The following WDFY4 variants were observed in gnomAD, a reference collection of about 807,000 sequenced individuals.
WDFY4 encodes WD repeat- and FYVE domain-containing protein 4.
WDFY4 carries 169 observed loss-of-function variants against 351.9 expected under a neutral mutation model. The ratio of observed to expected loss-of-function variants is 0.48; its 90% CI spans 0.42 to 0.55. The LOEUF (loss-of-function observed/expected upper bound fraction) is 0.55, where lower values mean the gene tolerates loss of function less well. WDFY4 is among the 20% of genes least tolerant of loss of function. WDFY4 has a pLI of 0.00. For missense variants in WDFY4, 3,803 were observed against 3,935.6 expected, an observed-to-expected ratio of 0.97 and a Z score of 0.90; for synonymous variants, 1,622 against 1,574.6, an observed-to-expected ratio of 1.03 and a Z score of -0.71.
rs2068884162 is a variant in WDFY4 at position 48,849,406 on chromosome 10, T to C, written c.6663+16697T>C. Among the ~76,000 whole-genome samples, 3 of 152,240 alleles carry C rather than the reference T, an allele frequency of 2.0e-5. No individual in the cohort carries two copies. In the South Asian group the frequency reaches 6.2e-4, roughly 31 times the overall value. On this transcript the variant is annotated intron_variant, in intron 39 of 61. Coordinates refer to ENST00000325239, the MANE Select transcript of WDFY4 (RefSeq NM_001394531.1). ...ATTTTGTACATCAATCAGTCTTTCTTTGTTAAGTACCAGATGAAGTGACTG... is the reference window on the plus strand; with the variant it reads ...ATTTTGTACATCAATCAGTCTTTCTCTGTTAAGTACCAGATGAAGTGACTG...
At chr10:48,879,606 C>T (rs1402064184) in intron 43 of WDFY4, among the ~76,000 whole-genome samples, 1 of 152,220 alleles carries the variant, frequency 6.6e-6, no homozygotes, top group Non-Finnish European at 1.5e-5. Flanking sequence ...AGATTCTCTG[C>T]TAGAGCCTCA....
intron 39 of WDFY4, among the ~76,000 whole-genome samples, chr10:48,865,556 AG>A (rs1394132752): frequency 3.9e-5 from 6 of 152,164 alleles, no homozygotes; most frequent in Non-Finnish European, 5.9e-5. Flanking sequence ...TTTCTGTGTC[AG>A]GGTAATAACT....
intron 2 of WDFY4, 77 bp downstream of exon 2, chr10:48,710,043 G>C: frequency 7.4e-7 from 1 of 1,354,418 alleles, no homozygotes; most frequent in Non-Finnish European, 9.9e-7. Context: ...TAGTGAAGTT[G>C]ATGGTTTTAA....
intron 39 of WDFY4, among the ~76,000 whole-genome samples, chr10:48,861,857 A>C (rs2069356487): frequency 6.6e-6 from 1 of 152,142 alleles, no homozygotes; most frequent in Non-Finnish European, 1.5e-5. Flanking sequence ...ATAGTCCTAT[A>C]GGTAGCTAAG....
Position 48,684,961 on chromosome 10 carries a change from T to C in WDFY4, c.-58T>C, listed in dbSNP as rs1373294308. ...GCTGCAGCTGGGGATAGGGGGCCCA[T>C]GCCTTCTGATGTCTACAGGCGCTGA... On this transcript the variant is annotated 5_prime_UTR_variant, in exon 1 of 62. The change abolishes an upstream ATG in the 5' untranslated region. Coordinates refer to ENST00000325239, the MANE Select transcript of WDFY4 (RefSeq NM_001394531.1). The C allele has an allele frequency of 2.0e-5, 3 of 152,522 alleles. No homozygotes were observed. The highest frequency in any genetic ancestry group is 4.8e-5 in the African/African-American group (2 of 41,480). The allele number at this position is 152,522 out of a possible 1,614,324, so 9.4% of individuals were successfully genotyped here.
At position 48,832,744 on chromosome 10, in the gene WDFY4, A is replaced by G. The variant is rs142796997; in HGVS notation, c.6663+35A>G. 800 of 1,493,388 alleles carry G rather than the reference A, an allele frequency of 5.4e-4. 10 individuals are homozygous for G. The Middle Eastern group carries it at 0.01, about 19-fold the overall frequency. The allele number at this position is 1,493,388 out of a possible 1,614,324, so 92.5% of individuals were successfully genotyped here. On this transcript the variant is annotated intron_variant, in intron 39 of 61. Coordinates refer to ENST00000325239, the MANE Select transcript of WDFY4 (RefSeq NM_001394531.1). ...GACCCCTTTTCCTCAGAAAAGTATC[A>G]GGCATTTGCTTCAAACCCCATGAGT... is the stretch of plus-strand genomic sequence containing the variant.
intron 1 of WDFY4, among the ~76,000 whole-genome samples, chr10:48,704,565 C>T (rs573065447): frequency 2.8e-4 from 43 of 152,320 alleles, no homozygotes; most frequent in African/African-American, 9.9e-4. Flanking sequence ...AAGAACCTTT[C>T]CAGGGTAGCA....
Position 48,778,606 on chromosome 10 carries a change from C to A in WDFY4, c.3176-5C>A, listed in dbSNP as rs748454825. On this transcript the variant is annotated splice_region_variant and splice_polypyrimidine_tract_variant and intron_variant, in intron 17 of 61. Transcript: ENST00000325239. ...GCCTGAGGGCATGCCTGTGTTCCCA[C>A]CCAGGTGCCACCAGACCGTTCCCTC... 2 of 1,550,420 alleles carry A rather than the reference C, an allele frequency of 1.3e-6. No homozygotes were observed. The highest frequency in any genetic ancestry group is 2.4e-5 in the South Asian group (2 of 84,020).
chr10:48,886,537 C>T (rs1392748555), intron 43 of WDFY4, among the ~76,000 whole-genome samples: 1 of 152,126 alleles, frequency 6.6e-6, no homozygotes, highest in Non-Finnish European at 1.5e-5. Flanking sequence ...TAAGTTCAGC[C>T]CCATTTCTGT....
intron 12 of WDFY4, among the ~76,000 whole-genome samples, chr10:48,752,067 G>A (rs953635008): frequency 2.8e-4 from 42 of 152,288 alleles, no homozygotes; most frequent in African/African-American, 7.7e-4. Flanking sequence ...GATACAAGCC[G>A]TCTGGGAACA....
At chr10:48,847,697 G>C (rs917340571) in intron 39 of WDFY4, among the ~76,000 whole-genome samples, 7 of 152,158 alleles carry the variant, frequency 4.6e-5, no homozygotes, top group East Asian at 1.9e-4. Flanking sequence ...AAGCAGAGAG[G>C]AGAGAAGATG....
chr10:48,786,497 G>A (rs1046035636), intron 19 of WDFY4, 142 bp from the exon 20 acceptor site: 2 of 636,152 alleles, frequency 3.1e-6, no homozygotes, highest in African/African-American at 2.0e-5. Flanking sequence ...TCTGAGATTT[G>A]AGAATTATAT....
At chr10:48,955,718 C>G (rs1207421816) in intron 51 of WDFY4, among the ~76,000 whole-genome samples, 1 of 152,216 alleles carries the variant, frequency 6.6e-6, no homozygotes, top group Non-Finnish European at 1.5e-5. Flanking sequence ...GAGCATGGAC[C>G]AGACATGCCA....
At chr10:48,719,046 G>A (rs529876015) in intron 2 of WDFY4, among the ~76,000 whole-genome samples, 2 of 152,284 alleles carry the variant, frequency 1.3e-5, no homozygotes, top group South Asian at 4.1e-4. Flanking sequence ...AATTTTTTAA[G>A]CCTGGAACTA....
At chr10:48,731,018 C>T (rs2064441306) in intron 8 of WDFY4, 92 bp from the exon 9 acceptor site, 1 of 1,362,680 alleles carries the variant, frequency 7.3e-7, no homozygotes, top group Non-Finnish European at 9.8e-7. Flanking sequence ...ACAGAAACTT[C>T]AAATGGCATG....
At position 48,710,077 on chromosome 10, in the gene WDFY4, T is replaced by G; in HGVS notation, c.234+111T>G. The stretch of plus-strand genomic sequence containing the variant: ...AATGTCATCCCAAGTGGACTCTGAT[T>G]GGTTGCTCAGGGGAGTGTTGTCTTA... On this transcript the variant is annotated intron_variant, in intron 2 of 61. Coordinates refer to ENST00000325239, the MANE Select transcript of WDFY4 (RefSeq NM_001394531.1). 3.8e-6 allele frequency: 4 copies of G among 1,063,078 alleles called. No homozygotes were observed. The South Asian group carries it at 6.7e-5, about 18-fold the overall frequency. The allele number at this position is 1,063,078 out of a possible 1,614,324, so 65.9% of individuals were successfully genotyped here. A position where few individuals can be genotyped will look rare whatever the true frequency, so the allele number is the denominator to read the frequency against.
intron 47 of WDFY4, among the ~76,000 whole-genome samples, chr10:48,923,771 T>C (rs1697897429): frequency 6.6e-6 from 1 of 152,068 alleles, no homozygotes; most frequent in African/African-American, 2.4e-5. Context: ...GCCACCAGAT[T>C]CCCCTGAACA....
chr10:48,959,133 G>A (rs1841741408), intron 52 of WDFY4, among the ~76,000 whole-genome samples: 1 of 152,230 alleles, frequency 6.6e-6, no homozygotes, highest in African/African-American at 2.4e-5. Flanking sequence ...GCTTGTGCAA[G>A]GTTGGGCAGC....
intron 12 of WDFY4, among the ~76,000 whole-genome samples, chr10:48,757,244 T>G (rs901263425): frequency 2.6e-5 from 4 of 152,120 alleles, no homozygotes; most frequent in African/African-American, 9.6e-5. Flanking sequence ...TCTCTAACTA[T>G]AATTGTGGAT....
Sources: allele counts gnomAD v4.1 joint callset (sites outside exome capture counted in the v4.1 genomes callset), GRCh38; gene constraint gnomAD v4.1.1; transcripts MANE v1.5; gene names NCBI Gene and HGNC (gene_info 2026-07-23, HGNC 2026-07-21).